Variants in MBTPS1 observed in about 807,000 individuals in gnomAD.
The protein encoded by MBTPS1 is membrane bound transcription factor peptidase, site 1.
Under a neutral mutation model 127.8 loss-of-function variants are expected in MBTPS1, and 94 were observed. The ratio of observed to expected loss-of-function variants is 0.74; its 90% confidence interval spans 0.62 to 0.87. MBTPS1 has a LOEUF of 0.87. MBTPS1 is among the 40% of genes least tolerant of loss of function. The pLI, the probability that MBTPS1 is intolerant of heterozygous loss-of-function variation, is 0.00. For synonymous variants in MBTPS1, 632 were observed against 509.4 expected (o/e 1.24, Z -3.24); for missense variants, 1,636 against 1,353.2 (o/e 1.21, Z -3.28).
intron 22 of MBTPS1, among the ~76,000 whole-genome samples, chr16:84,054,866 C>A (rs1412472160): frequency 4.8e-5 from 7 of 144,782 alleles, no homozygotes; most frequent in Admixed American, 4.1e-4. Flanking sequence ...GGTGGAGGCT[C>A]GGTGGATCTC....
chr16:84,090,333 T>C (rs926707485), intron 8 of MBTPS1, among the ~76,000 whole-genome samples: 1 of 152,200 alleles, frequency 6.6e-6, no homozygotes, highest in Admixed American at 6.5e-5. Context: ...GGCCCCCCTG[T>C]GACACTGTCC....
intron 1 of MBTPS1, among the ~76,000 whole-genome samples, chr16:84,103,192 A>T (rs1223251712): frequency 6.6e-6 from 1 of 152,012 alleles, no homozygotes; most frequent in Admixed American, 6.6e-5. Context: ...CCAGCAGGGT[A>T]GGGGATGGGT....
chr16:84,073,806 A>AC (rs2085809731), intron 12 of MBTPS1, among the ~76,000 whole-genome samples: 1 of 152,088 alleles, frequency 6.6e-6, no homozygotes, highest in Admixed American at 6.6e-5. Flanking sequence ...GGAATTCGAG[A>AC]CCAGCCTGGC....
intron 11 of MBTPS1, among the ~76,000 whole-genome samples, chr16:84,076,168 A>G (rs1214357266): frequency 1.3e-5 from 2 of 152,218 alleles, no homozygotes; most frequent in East Asian, 1.9e-4. Context: ...TAATAGGTCT[A>G]AAGTATTCAT....
Position 84,056,108 on chromosome 16 carries a change from G to C in MBTPS1, c.2859C>G (p.Leu953=). The C allele has an allele frequency of 1.2e-6, 2 of 1,614,060 alleles. No homozygotes were observed. Among genetic ancestry groups the C allele is most frequent in the South Asian group, 2.2e-5 (2 of 91,080 alleles). ...PSNLWKHQKL[L]SIDLDKVVLP... is the part of the protein sequence containing the mutation. ...ACACCACCTTGTCCAGGTCAATGGA[G>C]AGTAGCTTCTGATGTTTCCAAAGGT... Residue 953 remains leucine, a synonymous_variant, in exon 22 of 23, where the codon CTC becomes CTG. Transcript: ENST00000343411.
intron 1 of MBTPS1, chr16:84,109,308 A>C (rs1387917708): frequency 6.6e-6 from 1 of 152,242 alleles, no homozygotes; most frequent in African/African-American, 2.4e-5. Flanking sequence ...ATCACGATAA[A>C]TAATAACAGA....
At chr16:84,114,121 C>T (rs1224820825) in intron 1 of MBTPS1, among the ~76,000 whole-genome samples, 1 of 92,066 alleles carries the variant, frequency 1.1e-5, no homozygotes, top group African/African-American at 4.0e-5. Context: ...CATGCCACCA[C>T]GCCCGGCTAA....
At position 84,091,791 on chromosome 16, in the gene MBTPS1, C is replaced by T. The variant is rs1226433724; in HGVS notation, c.904G>A (p.Asp302Asn). The T allele has an allele frequency of 8.7e-6, 14 of 1,613,960 alleles. No individual in the cohort carries two copies. The Middle Eastern group carries it at 1.2e-3, about 133-fold the overall frequency. ...AFNYAILKKI[D>N]VLNLSIGGPD... is the part of the protein sequence containing the mutation. ...CCGCCGATGCTGAGGTTTAACACGT[C>T]GATCTTCTTTAAAATGGCATAGTTG... Residue 302 changes from aspartate to asparagine, a missense_variant, in exon 7 of 23, where the codon GAC becomes AAC. Asp to Asn is a conservative substitution (Grantham distance 23, BLOSUM62 1). Transcript: ENST00000343411.
intron 1 of MBTPS1, among the ~76,000 whole-genome samples, chr16:84,110,169 G>C (rs149544489): frequency 2.2e-4 from 34 of 152,286 alleles, no homozygotes; most frequent in Middle Eastern, 3.4e-3. Flanking sequence ...TACATAACCA[G>C]ACCACACACG....
intron 12 of MBTPS1, chr16:84,071,933 T>C (rs1175604230): frequency 6.6e-6 from 1 of 152,108 alleles, no homozygotes; most frequent in Non-Finnish European, 1.5e-5. Flanking sequence ...GTGTAACTCA[T>C]ACAAGAGGAA....
chr16:84,114,976 T>A (rs2086451909), intron 1 of MBTPS1, among the ~76,000 whole-genome samples: 1 of 151,998 alleles, frequency 6.6e-6, no homozygotes, highest in Non-Finnish European at 1.5e-5. Flanking sequence ...TCGCCCAGGC[T>A]GGAATGCAGC....
At position 84,107,230 on chromosome 16, in the gene MBTPS1, C is replaced by A. The variant is rs369209468; in HGVS notation, c.-324-5123G>T. ...CAGAGACCACTAGCTTAGTAACTGG[C>A]CCCTTCCAGAAAAGGGCCACACTAG... On this transcript the variant is annotated intron_variant, in intron 1 of 22. Coordinates refer to ENST00000343411, the MANE Select transcript of MBTPS1 (RefSeq NM_003791.4). Among the ~76,000 whole-genome samples, 18 of 152,334 alleles carry A rather than the reference C, an allele frequency of 1.2e-4. No homozygotes were observed. The East Asian group carries it at 1.9e-3, about 16-fold the overall frequency.
chr16:84,091,604 G>C, intron 7 of MBTPS1, 128 bp downstream of exon 7: 1 of 666,022 alleles, frequency 1.5e-6, no homozygotes, highest in South Asian at 1.8e-5. Context: ...CACGTCATTA[G>C]CCATCTGTTC....
At chr16:84,102,312 T>A (rs886693004) in intron 1 of MBTPS1, among the ~76,000 whole-genome samples, 1 of 152,116 alleles carries the variant, frequency 6.6e-6, no homozygotes, top group Non-Finnish European at 1.5e-5. Context: ...TGAGACCCTA[T>A]GTCTAAAATA....
At chr16:84,069,631 G>C (rs925080217) in intron 14 of MBTPS1, among the ~76,000 whole-genome samples, 1 of 152,236 alleles carries the variant, frequency 6.6e-6, no homozygotes, top group African/African-American at 2.4e-5. Flanking sequence ...GGCGCAATGG[G>C]AGAAGGAAGG....
chr16:84,067,463 C>T (rs925128240), intron 16 of MBTPS1, among the ~76,000 whole-genome samples: 1 of 152,176 alleles, frequency 6.6e-6, no homozygotes. Flanking sequence ...ACCGATCTGC[C>T]CAACTCAGCC....
intron 8 of MBTPS1, among the ~76,000 whole-genome samples, chr16:84,088,836 A>C (rs79732288): frequency 1.2e-3 from 177 of 152,274 alleles, no homozygotes; most frequent in Non-Finnish European, 1.8e-3. Flanking sequence ...ACCCACCACA[A>C]GCTGGGCTGC....
chr16:84,080,622 T>C (rs1023300982), intron 11 of MBTPS1, among the ~76,000 whole-genome samples: 1 of 152,232 alleles, frequency 6.6e-6, no homozygotes, highest in African/African-American at 2.4e-5. Flanking sequence ...TCCCAGCCAA[T>C]GACTAAGCAC....
At chr16:84,115,127 C>T (rs1247249281) in intron 1 of MBTPS1, among the ~76,000 whole-genome samples, 1 of 152,120 alleles carries the variant, frequency 6.6e-6, no homozygotes, top group Non-Finnish European at 1.5e-5. Context: ...CGGGATTTCA[C>T]CACGTTGGCC....
Sources: allele counts gnomAD v4.1 joint callset (sites outside exome capture counted in the v4.1 genomes callset), GRCh38; gene constraint gnomAD v4.1.1; transcripts MANE v1.5; gene names NCBI Gene and HGNC (gene_info 2026-07-23, HGNC 2026-07-21).